CRPPA: variants seen among roughly 807,000 people sequenced by gnomAD.
The protein encoded by CRPPA is D-ribitol-5-phosphate cytidylyltransferase.
CRPPA carries 43 observed loss-of-function variants against 52.0 expected under a neutral mutation model. The observed-to-expected ratio is 0.83, with a 90% CI of 0.65 to 1.07. CRPPA has a LOEUF of 1.07. CRPPA is among the 50% of genes least tolerant of loss of function. CRPPA has a pLI of 0.00. For synonymous variants in CRPPA, 250 were observed against 203.5 expected (o/e 1.23, Z -1.94); for missense variants, 629 against 551.7 (o/e 1.14, Z -1.40).
At chr7:16,182,538 A>C (rs1444329589) in intron 9 of CRPPA, among the ~76,000 whole-genome samples, 1 of 152,172 alleles carries the variant, frequency 6.6e-6, no homozygotes, top group Non-Finnish European at 1.5e-5. Context: ...TATCCAAAAC[A>C]AAACTCCAGT....
In CRPPA at chr7:16,262,650, TTC is replaced by T. The variant is rs577035619; in HGVS notation, c.934-3640_934-3639del. ...AAAACAAAATCAGACACTGATAATTTTCTCTGTCTCTATGAGATGCCACAGAA... is the reference window on the plus strand; with the variant it reads ...AAAACAAAATCAGACACTGATAATTTTCTGTCTCTATGAGATGCCACAGAA... On this transcript the variant is annotated intron_variant, in intron 6 of 9. Transcript: ENST00000407010. 5.3e-4 allele frequency among the ~76,000 whole-genome samples: 80 copies of T among 152,332 alleles called. 1 individual carries two copies. The highest frequency in any genetic ancestry group is 1.9e-3 in the African/African-American group (78 of 41,586).
chr7:16,214,567 CT>C (rs1782250682), intron 9 of CRPPA, among the ~76,000 whole-genome samples: 1 of 152,138 alleles, frequency 6.6e-6, no homozygotes, highest in Admixed American at 6.5e-5. Context: ...GCGGCAACCT[CT>C]GCTCACTGCA....
intron 2 of CRPPA, among the ~76,000 whole-genome samples, 179 bp downstream of exon 2, chr7:16,405,882 G>A (rs970905293): frequency 2.6e-5 from 4 of 152,114 alleles, no homozygotes; most frequent in Admixed American, 1.3e-4. Flanking sequence ...TATAGCAAAA[G>A]ATATGTTCCA....
intron 9 of CRPPA, among the ~76,000 whole-genome samples, chr7:16,096,008 C>A (rs541730079): frequency 1.5e-4 from 23 of 152,148 alleles, no homozygotes; most frequent in African/African-American, 4.3e-4. Context: ...AATGAAGACG[C>A]CTTGGTGAAC....
chr7:16,191,675 G>A (rs1345164952), intron 9 of CRPPA, among the ~76,000 whole-genome samples: 1 of 152,114 alleles, frequency 6.6e-6, no homozygotes, highest in Middle Eastern at 3.2e-3. Context: ...TGTACCGGTT[G>A]CTTCCTTTAG....
chr7:16,246,912 T>C (rs1783290323), intron 8 of CRPPA, among the ~76,000 whole-genome samples: 1 of 152,200 alleles, frequency 6.6e-6, no homozygotes, highest in South Asian at 2.1e-4. Flanking sequence ...CAACTGAAAG[T>C]CACTAGCTGC....
At chr7:16,125,616 C>A (rs952081668) in intron 9 of CRPPA, among the ~76,000 whole-genome samples, 3 of 151,882 alleles carry the variant, frequency 2.0e-5, no homozygotes, top group Middle Eastern at 6.8e-3. Context: ...AGTAATGGAC[C>A]CCCCTCGTAA....
At chr7:16,141,319 T>C (rs1439919028) in intron 9 of CRPPA, among the ~76,000 whole-genome samples, 1 of 152,212 alleles carries the variant, frequency 6.6e-6, no homozygotes, top group Admixed American at 6.5e-5. Context: ...AATATACACA[T>C]TCTGAAATAT....
chr7:16,164,081 T>A (rs1780988418), intron 9 of CRPPA, among the ~76,000 whole-genome samples: 1 of 152,222 alleles, frequency 6.6e-6, no homozygotes. Flanking sequence ...GAAGTTCTCC[T>A]GGATAATATC....
Position 16,398,451 on chromosome 7 carries a change from G to A in CRPPA, c.534+7610C>T, listed in dbSNP as rs569636433. 4.6e-5 allele frequency among the ~76,000 whole-genome samples: 7 copies of A among 152,230 alleles called. No individual in the cohort carries two copies. In the South Asian group the frequency reaches 8.3e-4, roughly 18 times the overall value. On this transcript the variant is annotated intron_variant, in intron 2 of 9. Transcript: ENST00000407010. ...TTGACGTGACCGAGGTTTGTGACAC[G>A]TGACTCACGTGTGCGATTGACATGA...
chr7:16,216,188 G>A lies in CRPPA; in HGVS notation c.1129C>T (p.Leu377Phe). 1 of 1,568,126 alleles carries A rather than the reference G, an allele frequency of 6.4e-7. No homozygotes were observed. The highest frequency in any genetic ancestry group is 2.3e-5 in the East Asian group (1 of 44,266). Residue 377 changes from leucine (L) to phenylalanine (F), a missense_variant, in exon 9 of 10, where the codon CTT becomes TTT. By Grantham distance (22) the Leu-to-Phe change is conservative (BLOSUM62 0). Transcript: ENST00000407010. Reference protein sequence around the residue: ...YPVVVVSVHFLDFKLVPPSQK... With the variant: ...YPVVVVSVHFFDFKLVPPSQK... ...CTGGGAGGTACTAATTTAAAATCAA[G>A]AAAATGAACCTGCAAAATATAAAAG... is the stretch of plus-strand genomic sequence containing the variant.
chr7:16,161,567 G>T (rs1161430038), intron 9 of CRPPA, among the ~76,000 whole-genome samples: 9 of 152,162 alleles, frequency 5.9e-5, no homozygotes, highest in Non-Finnish European at 1.2e-4. Context: ...TTTTTAATGT[G>T]CTGCTGGATT....
chr7:16,344,447 G>A (rs912493227), intron 3 of CRPPA, among the ~76,000 whole-genome samples: 1 of 148,624 alleles, frequency 6.7e-6, no homozygotes, highest in Non-Finnish European at 1.5e-5. Context: ...ATGGTGGCAT[G>A]TGCCTAGTCC....
intron 9 of CRPPA, among the ~76,000 whole-genome samples, chr7:16,144,047 T>C (rs942196196): frequency 6.6e-6 from 1 of 152,060 alleles, no homozygotes; most frequent in Non-Finnish European, 1.5e-5. Context: ...GGAATTCAGG[T>C]AGAGGGAAGG....
At chr7:16,366,371 T>G (rs1442151315) in intron 3 of CRPPA, among the ~76,000 whole-genome samples, 1 of 152,110 alleles carries the variant, frequency 6.6e-6, no homozygotes. Flanking sequence ...GCAATGTAGT[T>G]CAATTAAAAC....
Position 16,216,184 on chromosome 7 carries a change from T to A in CRPPA, c.1133A>T (p.Asp378Val). ...CTGACTGGGAGGTACTAATTTAAAA[T>A]CAAGAAAATGAACCTGCAAAATATA... ...PVVVVSVHFLDFKLVPPSQKM... is the reference protein window; with the variant it reads ...PVVVVSVHFLVFKLVPPSQKM... The change falls in exon 9 of 10, where the codon GAT becomes GTT. Residue 378 changes from aspartate (D) to valine (V), a missense_variant. Physicochemically the swap from Asp to Val is radical, Grantham distance 152. Coordinates refer to ENST00000407010, the MANE Select transcript of CRPPA (RefSeq NM_001101426.4). The A allele has an allele frequency of 6.4e-7, 1 of 1,573,696 alleles. No homozygotes were observed. The highest frequency in any genetic ancestry group is 8.7e-7 in the Non-Finnish European group (1 of 1,153,860).
At chr7:16,405,360 G>T (rs149965182) in intron 2 of CRPPA, among the ~76,000 whole-genome samples, 2 of 151,980 alleles carry the variant, frequency 1.3e-5, no homozygotes, top group African/African-American at 4.8e-5. Flanking sequence ...TTAAAAACAC[G>T]ACATCACTAG....
At chr7:16,405,228 C>T (rs1332449923) in intron 2 of CRPPA, among the ~76,000 whole-genome samples, 1 of 152,028 alleles carries the variant, frequency 6.6e-6, no homozygotes, top group East Asian at 1.9e-4. Flanking sequence ...CCTTTAAGCA[C>T]TTATTATTAA....
At chr7:16,418,368 C>T (rs1022575310) in intron 1 of CRPPA, among the ~76,000 whole-genome samples, 17 of 152,122 alleles carry the variant, frequency 1.1e-4, no homozygotes, top group Admixed American at 2.6e-4. Context: ...AGAAGACAAA[C>T]GTTTTATTTT....
Sources: gnomAD v4.1 joint callset for allele counts (sites outside exome capture counted in the v4.1 genomes callset) on GRCh38, gnomAD v4.1.1 for gene constraint, MANE v1.5 for transcripts, NCBI Gene and HGNC (gene_info 2026-07-23, HGNC 2026-07-21) for gene names.